MTMR7: variants seen among roughly 807,000 people sequenced by gnomAD.
The protein encoded by MTMR7 is phosphatidylinositol-3-phosphate phosphatase MTMR7.
Under a neutral mutation model 81.2 loss-of-function variants are expected in MTMR7, and 76 were observed. The ratio of observed to expected loss-of-function variants is 0.94; its 90% CI spans 0.78 to 1.13. The LOEUF (loss-of-function observed/expected upper bound fraction) is 1.13, where lower values mean the gene tolerates loss of function less well. Ranked by LOEUF, MTMR7 falls within the 50% of genes most tolerant of loss-of-function variation. The pLI, the probability that MTMR7 is intolerant of heterozygous loss-of-function variation, is 0.00. For missense variants in MTMR7, 1,044 were observed against 820.0 expected (o/e 1.27, Z -3.34); for synonymous variants, 372 against 289.8 (o/e 1.28, Z -2.88).
In MTMR7 at chr8:17,369,452, A is replaced by ATG. The variant is rs763547128; in HGVS notation, c.310+1584_310+1585insCA. On this transcript the variant is annotated intron_variant, in intron 3 of 13. Transcript: ENST00000180173. Reference sequence around the variant, plus strand: ...ATCATAAGAAACTTAGGATCCAACCAAATGCCTTGAAAAGTTCATAATTGA... The same window carrying ATG: ...ATCATAAGAAACTTAGGATCCAACCATGAATGCCTTGAAAAGTTCATAATTGA... 1.4e-3 allele frequency among the ~76,000 whole-genome samples: 218 copies of ATG among 152,310 alleles called. 3 individuals are homozygous for ATG. Among genetic ancestry groups the ATG allele is most frequent in the Non-Finnish European group, 2.1e-3 (143 of 68,018 alleles).
chr8:17,341,539 T>C, intron 5 of MTMR7, 42 bp from the exon 6 acceptor site: 4 of 1,606,804 alleles, frequency 2.5e-6, no homozygotes, highest in Non-Finnish European at 3.4e-6. Flanking sequence ...ATCAGGTAAC[T>C]GTACCCATGA....
Position 17,299,694 on chromosome 8 carries a change from A to G in MTMR7, c.*168T>C. 2.5e-6 allele frequency: 2 copies of G among 815,148 alleles called. No individual in the cohort carries two copies. The highest frequency in any genetic ancestry group is 3.8e-6 in the Non-Finnish European group (2 of 525,258). 50.5% of individuals were successfully genotyped at this position (815,148 alleles called of 1,614,324 possible). Reference sequence around the variant, plus strand: ...TAAATGAAATGACTACGTCCTCTTCAGTATCTAAGAAATCAAGAACTGGGC... The same window carrying G: ...TAAATGAAATGACTACGTCCTCTTCGGTATCTAAGAAATCAAGAACTGGGC... On this transcript the variant is annotated 3_prime_UTR_variant, in exon 14 of 14. Coordinates refer to ENST00000180173, the MANE Select transcript of MTMR7 (RefSeq NM_004686.5).
At chr8:17,326,933 TAAAG>T (rs1051106718) in intron 7 of MTMR7, among the ~76,000 whole-genome samples, 140 of 152,276 alleles carry the variant, frequency 9.2e-4, no homozygotes, top group African/African-American at 3.2e-3. Flanking sequence ...ATTTTGTAAA[TAAAG>T]AGGGAAAAAG....
rs1382913206 is a variant in MTMR7, at chr8:17,401,268, A to T, written c.24+12001T>A. ...TAAAATAACATTTGAGCAAAGATCT[A>T]AAAAAGTGTGGGAGCAAACCATCTG... On this transcript the variant is annotated intron_variant, in intron 1 of 13. Transcript: ENST00000180173. Among the ~76,000 whole-genome samples, 3 of 152,142 alleles carry T rather than the reference A, an allele frequency of 2.0e-5. No homozygotes were observed. In the East Asian group the frequency reaches 5.8e-4, roughly 29 times the overall value.
At chr8:17,379,618 C>A (rs1406276191) in intron 1 of MTMR7, among the ~76,000 whole-genome samples, 1 of 152,058 alleles carries the variant, frequency 6.6e-6, no homozygotes, top group African/African-American at 2.4e-5. Context: ...TAGAACTTGC[C>A]TTTTTAAAAC....
chr8:17,311,742 A>T lies in MTMR7; in HGVS notation c.976-106T>A, dbSNP rs1239997084. ...GTATATTTACAGAAAGAAACAGCCA[A>T]AACGAAACACCTGTCCATTCGTCTG... On this transcript the variant is annotated intron_variant, in intron 8 of 13. Coordinates refer to ENST00000180173, the MANE Select transcript of MTMR7 (RefSeq NM_004686.5). 3 of 1,531,148 alleles carry T rather than the reference A, an allele frequency of 2.0e-6. No individual in the cohort carries two copies. In the African/African-American group the frequency reaches 4.1e-5, roughly 21 times the overall value. 94.8% of individuals were successfully genotyped at this position (1,531,148 alleles called of 1,614,324 possible).
Position 17,408,342 on chromosome 8 carries a change from T to C in MTMR7, c.24+4927A>G, listed in dbSNP as rs1330593911. ...AGGCGGAGCTTGCAGTGAGCCGAGA[T>C]TGCGCCACTGCAGTCCACAGTCCGG... On this transcript the variant is annotated intron_variant, in intron 1 of 13. Coordinates refer to ENST00000180173, the MANE Select transcript of MTMR7 (RefSeq NM_004686.5). 2.2e-4 allele frequency among the ~76,000 whole-genome samples: 12 copies of C among 55,776 alleles called. 2 individuals carry two copies. The East Asian group carries it at 4.2e-3, about 20-fold the overall frequency. 36.6% of individuals were successfully genotyped at this position (55,776 alleles called of 152,430 possible). A position where few individuals can be genotyped will look rare whatever the true frequency, so the allele number is the denominator to read the frequency against.
chr8:17,374,931 A>G (rs1333399680), intron 1 of MTMR7, among the ~76,000 whole-genome samples: 1 of 152,068 alleles, frequency 6.6e-6, no homozygotes, highest in Non-Finnish European at 1.5e-5. Context: ...TCTACTAAAA[A>G]TACAAAAATT....
chr8:17,369,394 T>C (rs1416955900), intron 3 of MTMR7, among the ~76,000 whole-genome samples: 1 of 152,216 alleles, frequency 6.6e-6, no homozygotes, highest in Non-Finnish European at 1.5e-5. Flanking sequence ...TTAGTAACTT[T>C]AGCTCTTAGC....
intron 6 of MTMR7, among the ~76,000 whole-genome samples, chr8:17,339,441 C>CCCAGCCCTCGGCA (rs1819345628): frequency 6.6e-6 from 1 of 152,188 alleles, no homozygotes; most frequent in South Asian, 2.1e-4. Context: ...TCTCCCTTCC[C>CCCAGCCCTCGGCA]CCAGCCCTCG....
At chr8:17,339,213 T>C (rs1819337753) in intron 6 of MTMR7, among the ~76,000 whole-genome samples, 2 of 152,222 alleles carry the variant, frequency 1.3e-5, no homozygotes, top group Admixed American at 1.3e-4. Flanking sequence ...GGTTCTATTT[T>C]ACCCTTCCTG....
intron 7 of MTMR7, among the ~76,000 whole-genome samples, chr8:17,328,485 A>G (rs1336579459): frequency 1.3e-5 from 2 of 151,846 alleles, no homozygotes; most frequent in African/African-American, 4.8e-5. Flanking sequence ...CAAGCACCAC[A>G]TGTTCTCACT....
intron 7 of MTMR7, among the ~76,000 whole-genome samples, chr8:17,327,303 C>T (rs891094479): frequency 1.2e-4 from 18 of 152,122 alleles, no homozygotes; most frequent in Non-Finnish European, 2.4e-4. Flanking sequence ...GAGCCTAACT[C>T]TCTGTCACCC....
intron 1 of MTMR7, among the ~76,000 whole-genome samples, chr8:17,391,530 G>A (rs910767282): frequency 1.3e-5 from 2 of 152,166 alleles, no homozygotes; most frequent in African/African-American, 4.8e-5. Flanking sequence ...AATACTTCCA[G>A]AATGTACAAG....
Position 17,298,406 on chromosome 8 carries a change from T to G in MTMR7, c.*1456A>C, listed in dbSNP as rs1816881418. The G allele has an allele frequency of 6.6e-6, 1 of 152,188 alleles. No individual in the cohort carries two copies. The highest frequency in any genetic ancestry group is 2.1e-4 in the South Asian group (1 of 4,832). 9.4% of individuals were successfully genotyped at this position (152,188 alleles called of 1,614,324 possible). On this transcript the variant is annotated 3_prime_UTR_variant, in exon 14 of 14. Coordinates refer to ENST00000180173, the MANE Select transcript of MTMR7 (RefSeq NM_004686.5). ...CAGTTCTCTAATATATTCTATATTTTTAAATATGATGAACACAATTAAATG... is the reference window on the plus strand; with the variant it reads ...CAGTTCTCTAATATATTCTATATTTGTAAATATGATGAACACAATTAAATG...
chr8:17,404,836 G>C lies in MTMR7; in HGVS notation c.24+8433C>G, dbSNP rs550187396. Among the ~76,000 whole-genome samples the C allele has an allele frequency of 1.8e-4, 27 of 152,084 alleles. 1 individual carries two copies. The highest frequency in any genetic ancestry group is 9.8e-4 in the Admixed American group (15 of 15,248). On this transcript the variant is annotated intron_variant, in intron 1 of 13. Transcript: ENST00000180173. Reference sequence around the variant, plus strand: ...TTTGTTGTTGTTTTGTTTTTGTTTTGTTTTGTTGAGACGGAGTCTTGCTCT... The same window carrying C: ...TTTGTTGTTGTTTTGTTTTTGTTTTCTTTTGTTGAGACGGAGTCTTGCTCT...
chr8:17,349,761 T>G (rs1819670201), intron 4 of MTMR7, among the ~76,000 whole-genome samples: 1 of 152,276 alleles, frequency 6.6e-6, no homozygotes, highest in Admixed American at 6.5e-5. Flanking sequence ...TGATAAGTGG[T>G]AAGGATCGAT....
In MTMR7 at chr8:17,314,374, G is replaced by A. The variant is rs116435320; in HGVS notation, c.866-973C>T. ...CCCAACTCCATGGGCAATGAGCTGT[G>A]TAGTCTTGCACATGTTATTCCAGTC... is the stretch of plus-strand genomic sequence containing the variant. On this transcript the variant is annotated intron_variant, in intron 7 of 13. Coordinates refer to ENST00000180173, the MANE Select transcript of MTMR7 (RefSeq NM_004686.5). Among the ~76,000 whole-genome samples, 729 of 152,200 alleles carry A rather than the reference G, an allele frequency of 4.8e-3. 8 individuals are homozygous for A. The highest frequency in any genetic ancestry group is 0.016 in the African/African-American group (659 of 41,526).
At chr8:17,310,195 C>T (rs1051010179) in intron 9 of MTMR7, among the ~76,000 whole-genome samples, 1 of 151,756 alleles carries the variant, frequency 6.6e-6, no homozygotes, top group Admixed American at 6.6e-5. Flanking sequence ...GAGACGAGGT[C>T]TCGCCATGTT....
Sources: allele counts gnomAD v4.1 joint callset (sites outside exome capture counted in the v4.1 genomes callset), GRCh38; gene constraint gnomAD v4.1.1; transcripts MANE v1.5; gene names NCBI Gene and HGNC (gene_info 2026-07-23, HGNC 2026-07-21).